Variants in DPP10 observed in about 807,000 individuals in gnomAD.
The protein encoded by DPP10 is inactive dipeptidyl peptidase 10.
A neutral mutation model predicts 120.9 loss-of-function variants in DPP10; 33 were observed. The ratio of observed to expected loss-of-function variants is 0.27; its 90% confidence interval spans 0.21 to 0.37. The LOEUF is 0.37. DPP10 is among the 10% of genes least tolerant of loss of function. The probability of loss-of-function intolerance (pLI) is 1.00; values close to 1 mark genes in which losing one functional copy is unlikely to be tolerated. For synonymous variants in DPP10, 337 were observed against 326.1 expected, an observed-to-expected ratio of 1.03 and a Z score of -0.36; for missense variants, 816 against 942.8, an observed-to-expected ratio of 0.87 and a Z score of 1.76.
intron 1 of DPP10, among the ~76,000 whole-genome samples, chr2:115,151,063 T>C (rs1307443645): frequency 2.6e-5 from 4 of 152,178 alleles, no homozygotes; most frequent in Non-Finnish European, 5.9e-5. Context: ...ACAATATTCC[T>C]TGGGTGATTG....
intron 1 of DPP10, among the ~76,000 whole-genome samples, chr2:114,630,884 A>G (rs1694871367): frequency 6.6e-6 from 1 of 152,026 alleles, no homozygotes; most frequent in Admixed American, 6.6e-5. Flanking sequence ...CCTGATTTCA[A>G]GTCTAAAAAT....
intron 1 of DPP10, among the ~76,000 whole-genome samples, chr2:115,244,237 TATAGAGAG>T (rs1199277831): frequency 5.3e-3 from 355 of 67,066 alleles, no homozygotes; most frequent in African/African-American, 0.016. Context: ...TATATATATA[TATAGAGAG>T]AGAGAGAGAG....
intron 1 of DPP10, among the ~76,000 whole-genome samples, chr2:114,488,247 G>T (rs1030505016): frequency 6.6e-6 from 1 of 152,188 alleles, no homozygotes; most frequent in Non-Finnish European, 1.5e-5. Context: ...CGGGACAGGG[G>T]TGTGGGACTT....
At chr2:114,865,586 T>C (rs1690158260) in intron 1 of DPP10, among the ~76,000 whole-genome samples, 1 of 152,166 alleles carries the variant, frequency 6.6e-6, no homozygotes, top group Non-Finnish European at 1.5e-5. Flanking sequence ...ATATTAATAT[T>C]CAAGTGAGAG....
At chr2:114,471,391 T>C (rs1193436889) in intron 1 of DPP10, among the ~76,000 whole-genome samples, 2 of 152,208 alleles carry the variant, frequency 1.3e-5, no homozygotes, top group African/African-American at 2.4e-5. Flanking sequence ...AATATCAGCA[T>C]TGCTGTGCTG....
intron 1 of DPP10, among the ~76,000 whole-genome samples, chr2:114,518,380 T>G (rs569970568): frequency 5.3e-5 from 8 of 152,152 alleles, no homozygotes; most frequent in African/African-American, 1.9e-4. Context: ...GCAGGGCCTA[T>G]TCATTGTTTT....
At chr2:115,421,894 A>G (rs1017246354) in intron 3 of DPP10, among the ~76,000 whole-genome samples, 4 of 151,082 alleles carry the variant, frequency 2.6e-5, no homozygotes, top group African/African-American at 9.7e-5. Flanking sequence ...AAAAAAAAAA[A>G]AAAGCAAGGA....
chr2:115,492,673 A>G (rs1337758157), intron 3 of DPP10, among the ~76,000 whole-genome samples: 1 of 152,196 alleles, frequency 6.6e-6, no homozygotes, highest in Non-Finnish European at 1.5e-5. Flanking sequence ...ACAGTTGAAT[A>G]GCAAATTGTG....
At chr2:114,525,361 T>C (rs1251860276) in intron 1 of DPP10, among the ~76,000 whole-genome samples, 1 of 152,174 alleles carries the variant, frequency 6.6e-6, no homozygotes, top group Non-Finnish European at 1.5e-5. Flanking sequence ...TCACACCATA[T>C]ATTCAATTTC....
At chr2:115,795,991 C>T (rs1684485130) in intron 19 of DPP10, among the ~76,000 whole-genome samples, 1 of 151,944 alleles carries the variant, frequency 6.6e-6, no homozygotes, top group Admixed American at 6.6e-5. Context: ...AGAATGTAGC[C>T]CTCCTATCTA....
chr2:115,471,638 G>A (rs2074726142), intron 3 of DPP10, among the ~76,000 whole-genome samples: 1 of 151,072 alleles, frequency 6.6e-6, no homozygotes, highest in African/African-American at 2.4e-5. Context: ...ACAGACTGGA[G>A]TGCAGTGGCA....
Position 114,663,668 on chromosome 2 carries a change from T to TATAGAG in DPP10, c.60+220831_60+220832insTAGAGA. 4.4e-3 allele frequency among the ~76,000 whole-genome samples: 357 copies of TATAGAG among 80,672 alleles called. 1 individual carries two copies. The highest frequency in any genetic ancestry group is 4.7e-3 in the Non-Finnish European group (238 of 50,290). The allele number at this position is 80,672 out of a possible 152,430, so 52.9% of individuals were successfully genotyped here. ...ATATATATATATATATATATATATA[T>TATAGAG]AGAGAGAGAGAGAGAGAGAGAGAGA... On this transcript the variant is annotated intron_variant, in intron 1 of 25. Coordinates refer to ENST00000410059, the MANE Select transcript of DPP10 (RefSeq NM_020868.6).
At chr2:115,005,271 A>G (rs566400827) in intron 1 of DPP10, among the ~76,000 whole-genome samples, 2 of 152,170 alleles carry the variant, frequency 1.3e-5, no homozygotes, top group Admixed American at 6.5e-5. Flanking sequence ...TGGGGAAAAA[A>G]CCGAACAGAA....
chr2:114,830,083 A>G (rs1294622410), intron 1 of DPP10, among the ~76,000 whole-genome samples: 1 of 151,928 alleles, frequency 6.6e-6, no homozygotes, highest in African/African-American at 2.4e-5. Flanking sequence ...CGGGCTCCTC[A>G]CCCTAAGTAG....
chr2:114,951,941 T>A (rs1411821627), intron 1 of DPP10, among the ~76,000 whole-genome samples: 2 of 152,036 alleles, frequency 1.3e-5, no homozygotes, highest in Non-Finnish European at 2.9e-5. Context: ...AATATTTATC[T>A]GATGTCAAAT....
At chr2:115,764,371 A>G (rs1475584282) in intron 12 of DPP10, among the ~76,000 whole-genome samples, 1 of 152,108 alleles carries the variant, frequency 6.6e-6, no homozygotes, top group Admixed American at 6.6e-5. Context: ...GTCTTTGCAC[A>G]TGGTTATCTA....
At chr2:115,330,252 G>T (rs1326199917) in intron 2 of DPP10, among the ~76,000 whole-genome samples, 3 of 152,120 alleles carry the variant, frequency 2.0e-5, no homozygotes, top group Admixed American at 2.0e-4. Context: ...AGAAGTGTCT[G>T]TTCATATCTT....
At chr2:115,674,354 A>G (rs2090118151) in intron 5 of DPP10, among the ~76,000 whole-genome samples, 1 of 152,130 alleles carries the variant, frequency 6.6e-6, no homozygotes, top group African/African-American at 2.4e-5. Flanking sequence ...GGGCACAGAA[A>G]TAAAGAAAAC....
chr2:114,665,847 T>C (rs1040319327), intron 1 of DPP10, among the ~76,000 whole-genome samples: 8 of 152,166 alleles, frequency 5.3e-5, no homozygotes, highest in African/African-American at 1.7e-4. Flanking sequence ...TATATTTACA[T>C]TGCAGGAAAA....
Sources: allele counts gnomAD v4.1 joint callset (sites outside exome capture counted in the v4.1 genomes callset), GRCh38; gene constraint gnomAD v4.1.1; transcripts MANE v1.5; gene names NCBI Gene and HGNC (gene_info 2026-07-23, HGNC 2026-07-21).